The following SKAP1 variants were observed in gnomAD, a reference collection of about 807,000 sequenced individuals.
The protein encoded by SKAP1 is src kinase associated phosphoprotein 1.
A neutral mutation model predicts 58.5 loss-of-function variants in SKAP1; 44 were observed. That is an observed-to-expected ratio of 0.75 (90% CI 0.59 to 0.97). The LOEUF (loss-of-function observed/expected upper bound fraction) is 0.97. Ranked by LOEUF, SKAP1 falls within the 50% of genes least tolerant of loss-of-function variation. SKAP1 has a pLI of 0.00. For missense variants in SKAP1, 390 were observed against 435.2 expected, an observed-to-expected ratio of 0.90 and a Z score of 0.92; for synonymous variants, 127 against 149.7, an observed-to-expected ratio of 0.85 and a Z score of 1.11.
intron 11 of SKAP1, among the ~76,000 whole-genome samples, chr17:48,149,877 G>C (rs894355730): frequency 3.9e-5 from 6 of 152,156 alleles, no homozygotes; most frequent in African/African-American, 1.4e-4. Flanking sequence ...ACTTCTAGCT[G>C]TAGGTGCAAC....
chr17:48,286,460 T>C (rs2065830997), intron 4 of SKAP1, among the ~76,000 whole-genome samples: 1 of 152,238 alleles, frequency 6.6e-6, no homozygotes, highest in Non-Finnish European at 1.5e-5. Flanking sequence ...GTTTCCTTTA[T>C]AAAGCAATGT....
chr17:48,223,701 CAA>C, intron 4 of SKAP1, among the ~76,000 whole-genome samples: 1 of 152,174 alleles, frequency 6.6e-6, no homozygotes, highest in South Asian at 2.1e-4. Flanking sequence ...GAAAATAAGC[CAA>C]GTTAACCAGT....
At chr17:48,412,626 T>C (rs1415165983) in intron 1 of SKAP1, among the ~76,000 whole-genome samples, 1 of 152,188 alleles carries the variant, frequency 6.6e-6, no homozygotes, top group African/African-American at 2.4e-5. Flanking sequence ...TGATTAATAC[T>C]ATACCTATAT....
chr17:48,155,929 G>A (rs2063971005), intron 11 of SKAP1, among the ~76,000 whole-genome samples: 1 of 152,208 alleles, frequency 6.6e-6, no homozygotes, highest in Non-Finnish European at 1.5e-5. Context: ...CAGATAAAAG[G>A]AACTAAGCCA....
intron 4 of SKAP1, among the ~76,000 whole-genome samples, chr17:48,318,887 T>C (rs2066323773): frequency 1.3e-5 from 2 of 152,186 alleles, no homozygotes; most frequent in Non-Finnish European, 2.9e-5. Context: ...ATTTGCTTTC[T>C]TAAAAATTAA....
At chr17:48,326,929 T>A (rs915703464) in intron 4 of SKAP1, among the ~76,000 whole-genome samples, 1 of 149,718 alleles carries the variant, frequency 6.7e-6, no homozygotes, top group Non-Finnish European at 1.5e-5. Context: ...TCTTGCTATG[T>A]CCCCCAGGCT....
chr17:48,327,206 G>A (rs7225430), intron 4 of SKAP1, among the ~76,000 whole-genome samples: 150,141 of 152,324 alleles, frequency 0.99, 74,238 homozygotes, highest in Middle Eastern at 1. Flanking sequence ...AGAAAATTGC[G>A]TAGGCAAAAG....
chr17:48,374,230 AG>A (rs2067126002), intron 2 of SKAP1, among the ~76,000 whole-genome samples: 1 of 143,670 alleles, frequency 7.0e-6, no homozygotes, highest in Admixed American at 7.2e-5. Context: ...TTGTACAGAC[AG>A]GGTTTCACCA....
rs778772289 is a variant in SKAP1, at chr17:48,264,782, A to ACC, written c.281-75284_281-75283dup. ...CACACACACACACACACACACACAC[A>ACC]CCCTCCATCTCCATTTTCTTGTGGT... On this transcript the variant is annotated intron_variant, in intron 4 of 12. Coordinates refer to ENST00000336915, the MANE Select transcript of SKAP1 (RefSeq NM_003726.4). 6.7e-3 allele frequency among the ~76,000 whole-genome samples: 985 copies of ACC among 147,076 alleles called. 16 individuals are homozygous for ACC. Among genetic ancestry groups the ACC allele is most frequent in the African/African-American group, 0.019 (739 of 39,490 alleles).
chr17:48,291,817 T>G (rs2065901110), intron 4 of SKAP1, among the ~76,000 whole-genome samples: 2 of 152,172 alleles, frequency 1.3e-5, no homozygotes, highest in Non-Finnish European at 2.9e-5. Context: ...TCACTGGCAA[T>G]CCCATGATAT....
intron 4 of SKAP1, among the ~76,000 whole-genome samples, chr17:48,252,736 GTGTGTGTGTGTGTGTGTGTA>G (rs2065378801): frequency 1.3e-5 from 2 of 149,944 alleles, no homozygotes; most frequent in South Asian, 2.1e-4. Flanking sequence ...GTGTGTGTGT[GTGTGTGTGTGTGTGTGTGTA>G]TGTGCTCATG....
upstream of SKAP1, among the ~76,000 whole-genome samples, chr17:48,433,386 G>C (rs1428824861): frequency 6.6e-6 from 1 of 152,196 alleles, no homozygotes; most frequent in Non-Finnish European, 1.5e-5. Context: ...GTCCTGTTCT[G>C]TGTGGCTGGG....
Position 48,395,681 on chromosome 17 carries a change from T to C in SKAP1, c.152+999A>G, listed in dbSNP as rs183542441. Among the ~76,000 whole-genome samples, 23 of 152,322 alleles carry C rather than the reference T, an allele frequency of 1.5e-4. No individual in the cohort carries two copies. The East Asian group carries it at 3.3e-3, about 22-fold the overall frequency. ...TTTTGCATTCTGTTTGTTTCAATTA[T>C]TCAGGGCAACCCAGGCTGATAATTA... On this transcript the variant is annotated intron_variant, in intron 2 of 12. Coordinates refer to ENST00000336915, the MANE Select transcript of SKAP1 (RefSeq NM_003726.4).
intron 4 of SKAP1, among the ~76,000 whole-genome samples, chr17:48,269,816 G>A (rs1461463853): frequency 6.6e-5 from 10 of 152,110 alleles, no homozygotes; most frequent in South Asian, 2.1e-4. Context: ...AAATGAGGCC[G>A]GGTGCGGTGG....
intron 4 of SKAP1, among the ~76,000 whole-genome samples, chr17:48,302,829 G>A (rs1160260938): frequency 2.0e-5 from 3 of 152,136 alleles, no homozygotes; most frequent in Non-Finnish European, 4.4e-5. Flanking sequence ...CATTGTGCTA[G>A]GGCTGCAAAA....
At chr17:48,430,263 G>T (rs1051911292), upstream of SKAP1, 2 of 527,682 alleles carry the variant, frequency 3.8e-6, no homozygotes, top group African/African-American at 4.0e-5. Context: ...GGGCGGGGCC[G>T]TGGGTCCCCG....
intron 4 of SKAP1, among the ~76,000 whole-genome samples, chr17:48,285,708 CA>C (rs2065822106): frequency 6.6e-6 from 1 of 151,858 alleles, no homozygotes; most frequent in Non-Finnish European, 1.5e-5. Context: ...TTTTATCATT[CA>C]TTTTTTTCTC....
In SKAP1 at chr17:48,387,745, T is replaced by G. The variant is rs562832810; in HGVS notation, c.152+8935A>C. 5.3e-5 allele frequency among the ~76,000 whole-genome samples: 8 copies of G among 152,326 alleles called. No homozygotes were observed. In the South Asian group the frequency reaches 1.7e-3, roughly 32 times the overall value. On this transcript the variant is annotated intron_variant, in intron 2 of 12. Coordinates refer to ENST00000336915, the MANE Select transcript of SKAP1 (RefSeq NM_003726.4). Reference sequence around the variant, plus strand: ...TTTTAAATTATAAAATTGAGTTCCATTTCCTGCTGGACTACCAATCTCATA... The same window carrying G: ...TTTTAAATTATAAAATTGAGTTCCAGTTCCTGCTGGACTACCAATCTCATA...
intron 4 of SKAP1, among the ~76,000 whole-genome samples, chr17:48,249,518 C>CA (rs1255062308): frequency 6.6e-6 from 1 of 151,816 alleles, no homozygotes; most frequent in Non-Finnish European, 1.5e-5. Context: ...ACCAAAAATA[C>CA]AAAAAATTAG....
Sources: gnomAD v4.1 joint callset for allele counts (sites outside exome capture counted in the v4.1 genomes callset) on GRCh38, gnomAD v4.1.1 for gene constraint, MANE v1.5 for transcripts, NCBI Gene and HGNC (gene_info 2026-07-23, HGNC 2026-07-21) for gene names.